Variants in BRINP3 observed in about 807,000 individuals in gnomAD.
BRINP3 encodes the protein BMP/retinoic acid-inducible neural-specific protein 3.
A neutral mutation model predicts 71.0 loss-of-function variants in BRINP3; 19 were observed. The ratio of observed to expected loss-of-function variants is 0.27; its 90% CI spans 0.19 to 0.39. The LOEUF is 0.39. Ranked by LOEUF, BRINP3 falls within the 10% of genes least tolerant of loss-of-function variation. The pLI, the probability that BRINP3 is intolerant of heterozygous loss-of-function variation, is 1.00. For synonymous variants in BRINP3, 380 were observed against 337.7 expected, an observed-to-expected ratio of 1.13 and a Z score of -1.37; for missense variants, 959 against 940.8, an observed-to-expected ratio of 1.02 and a Z score of -0.25.
At chr1:190,225,628 C>T (rs553670752) in intron 6 of BRINP3, among the ~76,000 whole-genome samples, 6 of 152,006 alleles carry the variant, frequency 3.9e-5, no homozygotes, top group African/African-American at 1.4e-4. Flanking sequence ...ACTCACAAAA[C>T]ACTATAAAAT....
At chr1:190,335,709 T>A (rs500764) in intron 2 of BRINP3, among the ~76,000 whole-genome samples, 1 of 151,554 alleles carries the variant, frequency 6.6e-6, no homozygotes, top group Non-Finnish European at 1.5e-5. Context: ...ATAATCTCAA[T>A]AGAAGTAGAT....
intron 7 of BRINP3, among the ~76,000 whole-genome samples, chr1:190,144,978 G>C (rs1199051289): frequency 1.3e-5 from 2 of 152,074 alleles, no homozygotes; most frequent in African/African-American, 2.4e-5. Flanking sequence ...GTTTAAAATT[G>C]TAAACACAAT....
intron 3 of BRINP3, among the ~76,000 whole-genome samples, chr1:190,272,244 A>G (rs566964057): frequency 6.6e-6 from 1 of 151,690 alleles, no homozygotes; most frequent in South Asian, 2.1e-4. Context: ...TTTATTACTA[A>G]TTCTATATTG....
intron 7 of BRINP3, among the ~76,000 whole-genome samples, chr1:190,111,195 A>AAC (rs1305843890): frequency 8.7e-5 from 13 of 150,282 alleles, no homozygotes; most frequent in African/African-American, 3.2e-4. Flanking sequence ...AAAAAAAAAA[A>AAC]AAAAAAAAAA....
chr1:190,160,814 T>G lies in BRINP3; in HGVS notation c.1038A>C (p.Thr346=), dbSNP rs752388166. 6.2e-7 allele frequency: 1 copy of G among 1,613,616 alleles called. No homozygotes were observed. The highest frequency in any genetic ancestry group is 2.2e-5 in the East Asian group (1 of 44,820). The change falls in exon 7 of 8, where the codon ACA becomes ACC. Residue 346 remains threonine (T), a synonymous_variant. Coordinates refer to ENST00000367462, the MANE Select transcript of BRINP3 (RefSeq NM_199051.3). The part of the protein sequence containing the change: ...LNTSTIMHLW[T]MDSNFQRRYE... ...AACGGCGCTGAAAATTAGAATCCAT[T>G]GTCCACAAATGCATTATAGTAGATG...
At chr1:190,138,651 G>C (rs1334766859) in intron 7 of BRINP3, among the ~76,000 whole-genome samples, 1 of 152,154 alleles carries the variant, frequency 6.6e-6, no homozygotes, top group Non-Finnish European at 1.5e-5. Flanking sequence ...TTGGGGATCA[G>C]GGCAAAAGGG....
chr1:190,452,108 T>C (rs1178532647), intron 2 of BRINP3, among the ~76,000 whole-genome samples: 1 of 147,664 alleles, frequency 6.8e-6, no homozygotes, highest in East Asian at 1.9e-4. Flanking sequence ...ATTTTCCATC[T>C]ATGTGTTTTA....
intron 6 of BRINP3, among the ~76,000 whole-genome samples, chr1:190,201,118 A>G (rs1654966335): frequency 6.6e-6 from 1 of 152,176 alleles, no homozygotes; most frequent in Non-Finnish European, 1.5e-5. Context: ...AACTTCCTAG[A>G]AACTTGTTGA....
At chr1:190,298,982 C>T (rs1338609690) in intron 2 of BRINP3, among the ~76,000 whole-genome samples, 1 of 151,936 alleles carries the variant, frequency 6.6e-6, no homozygotes, top group Non-Finnish European at 1.5e-5. Context: ...TCCTGCAGCC[C>T]AGTTGTTTGG....
Position 190,174,480 on chromosome 1 carries a change from G to GAT in BRINP3, c.962-13592_962-13591dup, listed in dbSNP as rs557782824. 3.0e-3 allele frequency among the ~76,000 whole-genome samples: 449 copies of GAT among 151,862 alleles called. 1 individual carries two copies. The highest frequency in any genetic ancestry group is 8.8e-3 in the African/African-American group (363 of 41,438). ...CATTGGATTATAAACACATAAATAT[G>GAT]ATATATATATGAGATATTGTATACA... On this transcript the variant is annotated intron_variant, in intron 6 of 7. Coordinates refer to ENST00000367462, the MANE Select transcript of BRINP3 (RefSeq NM_199051.3).
intron 2 of BRINP3, among the ~76,000 whole-genome samples, chr1:190,401,376 C>CAAAAAAA (rs762938571): frequency 7.3e-4 from 65 of 89,068 alleles, no homozygotes; most frequent in Non-Finnish European, 8.9e-4. Flanking sequence ...CATCTCAAAA[C>CAAAAAAA]AAAAAAAAAA....
intron 2 of BRINP3, among the ~76,000 whole-genome samples, chr1:190,309,910 T>G (rs760325709): frequency 5.3e-5 from 8 of 151,724 alleles, no homozygotes; most frequent in Non-Finnish European, 8.9e-5. Context: ...TTAATCTAAT[T>G]TATTTTATTT....
chr1:190,353,628 A>G (rs1668542369), intron 2 of BRINP3, among the ~76,000 whole-genome samples: 1 of 152,012 alleles, frequency 6.6e-6, no homozygotes. Flanking sequence ...ATACATGTGT[A>G]TGTATGTATA....
chr1:190,358,888 A>C (rs1558214785), intron 2 of BRINP3, among the ~76,000 whole-genome samples: 7 of 152,154 alleles, frequency 4.6e-5, no homozygotes, highest in Admixed American at 3.9e-4. Context: ...GGAAACCATC[A>C]TTCTCAGCAA....
At chr1:190,268,476 G>C (rs942237330) in intron 3 of BRINP3, among the ~76,000 whole-genome samples, 1 of 152,068 alleles carries the variant, frequency 6.6e-6, no homozygotes, top group African/African-American at 2.4e-5. Context: ...AACACAGGAG[G>C]CATCTCTATT....
intron 4 of BRINP3, among the ~76,000 whole-genome samples, chr1:190,260,449 G>T (rs923698600): frequency 4.6e-5 from 7 of 151,886 alleles, no homozygotes; most frequent in Non-Finnish European, 1.0e-4. Context: ...TACCAAATAT[G>T]AATCTTTCCT....
intron 2 of BRINP3, among the ~76,000 whole-genome samples, chr1:190,352,293 C>G (rs1265839403): frequency 6.6e-6 from 1 of 151,968 alleles, no homozygotes; most frequent in Non-Finnish European, 1.5e-5. Context: ...AAACCTTAAT[C>G]TGTTTGGGTG....
chr1:190,301,558 T>A lies in BRINP3; in HGVS notation c.237-19808A>T, dbSNP rs531599734. ...TTCCTTCCTTCCAAACAATTTTATG[T>A]AATGTCCTGAAAATGTATGAAATAA... On this transcript the variant is annotated intron_variant, in intron 2 of 7. Transcript: ENST00000367462. 2.0e-5 allele frequency among the ~76,000 whole-genome samples: 3 copies of A among 151,834 alleles called. No individual in the cohort carries two copies. The South Asian group carries it at 6.2e-4, about 32-fold the overall frequency.
At chr1:190,315,198 A>T (rs2103035155) in intron 2 of BRINP3, among the ~76,000 whole-genome samples, 1 of 152,264 alleles carries the variant, frequency 6.6e-6, no homozygotes, top group East Asian at 1.9e-4. Flanking sequence ...AAGGAAGCAC[A>T]GATATACAGG....
Sources: gnomAD v4.1 joint callset for allele counts (sites outside exome capture counted in the v4.1 genomes callset) on GRCh38, gnomAD v4.1.1 for gene constraint, MANE v1.5 for transcripts, NCBI Gene and HGNC (gene_info 2026-07-23, HGNC 2026-07-21) for gene names.